Variants in KCNQ5 observed in about 807,000 individuals in gnomAD.
The protein encoded by KCNQ5 is potassium voltage-gated channel subfamily Q member 5.
Under a neutral mutation model 98.2 loss-of-function variants are expected in KCNQ5, and 30 were observed. The ratio of observed to expected loss-of-function variants is 0.31; its 90% CI spans 0.23 to 0.41. The LOEUF (loss-of-function observed/expected upper bound fraction) is 0.41, where lower values mean the gene tolerates loss of function less well. Ranked by LOEUF, KCNQ5 falls within the 10% of genes least tolerant of loss-of-function variation. KCNQ5 has a pLI of 1.00. For synonymous variants in KCNQ5, 458 were observed against 449.4 expected, an observed-to-expected ratio of 1.02 and a Z score of -0.24; for missense variants, 835 against 1,182.5, an observed-to-expected ratio of 0.71 and a Z score of 4.31.
chr6:72,979,563 A>G (rs541399248), intron 1 of KCNQ5, among the ~76,000 whole-genome samples: 2 of 151,854 alleles, frequency 1.3e-5, no homozygotes, highest in South Asian at 4.2e-4. Flanking sequence ...TTCTTTGTGG[A>G]CTCTGGATAT....
At chr6:72,944,363 C>T (rs868438211) in intron 1 of KCNQ5, among the ~76,000 whole-genome samples, 2 of 152,088 alleles carry the variant, frequency 1.3e-5, no homozygotes, top group South Asian at 2.1e-4. Flanking sequence ...ACCAGAGTGT[C>T]AAACAAATCA....
intron 1 of KCNQ5, among the ~76,000 whole-genome samples, chr6:72,820,874 T>C (rs758755224): frequency 1.3e-5 from 2 of 152,226 alleles, no homozygotes; most frequent in Non-Finnish European, 1.5e-5. Flanking sequence ...ATTTTCCAAA[T>C]AGTGTTTTGT....
intron 1 of KCNQ5, chr6:72,986,846 C>T: frequency 9.7e-7 from 1 of 1,030,742 alleles, no homozygotes. Context: ...CCCCACAGCC[C>T]TCTCAGTCCA....
intron 1 of KCNQ5, among the ~76,000 whole-genome samples, chr6:72,773,157 T>C (rs1772989168): frequency 6.6e-6 from 1 of 152,162 alleles, no homozygotes; most frequent in South Asian, 2.1e-4. Context: ...TTATAAATCA[T>C]TCTACTACAA....
chr6:72,827,829 A>C (rs1458456596), intron 1 of KCNQ5, among the ~76,000 whole-genome samples: 2 of 151,794 alleles, frequency 1.3e-5, no homozygotes, highest in South Asian at 2.1e-4. Flanking sequence ...ACTGTTTCTC[A>C]TATGTTTTCT....
intron 1 of KCNQ5, among the ~76,000 whole-genome samples, chr6:72,960,852 A>C (rs867165576): frequency 2.0e-5 from 3 of 152,348 alleles, no homozygotes; most frequent in African/African-American, 7.2e-5. Context: ...AGTAGCTGGA[A>C]CTACAGGTGC....
intron 5 of KCNQ5, among the ~76,000 whole-genome samples, chr6:73,103,764 AC>A (rs1242922965): frequency 6.2e-5 from 9 of 145,482 alleles, no homozygotes; most frequent in Admixed American, 6.9e-5. Context: ...CCAAAAAAAA[AC>A]CAGAAAGAGT....
At chr6:72,801,770 G>T (rs1446833978) in intron 1 of KCNQ5, among the ~76,000 whole-genome samples, 5 of 152,246 alleles carry the variant, frequency 3.3e-5, no homozygotes, top group African/African-American at 4.8e-5. Flanking sequence ...GGTACCGGTT[G>T]TTCCTTTCTA....
chr6:72,984,931 G>T (rs1768688722), intron 1 of KCNQ5, among the ~76,000 whole-genome samples: 1 of 152,158 alleles, frequency 6.6e-6, no homozygotes, highest in Admixed American at 6.5e-5. Context: ...AAGAAGTCAG[G>T]CACAGTGGCT....
chr6:73,164,479 A>G (rs1422138928), intron 10 of KCNQ5, among the ~76,000 whole-genome samples: 2 of 152,222 alleles, frequency 1.3e-5, no homozygotes, highest in African/African-American at 2.4e-5. Context: ...AATGTAATTG[A>G]TGACCGACTC....
chr6:72,795,524 G>A lies in KCNQ5; in HGVS notation c.398+172937G>A, dbSNP rs551177990. The stretch of plus-strand genomic sequence containing the variant: ...TTCAAAACTGAAAAAGATCTTGTAA[G>A]TTATGTAGTTGAACATTATCAATTT... On this transcript the variant is annotated intron_variant, in intron 1 of 13. Coordinates refer to ENST00000370398, the MANE Select transcript of KCNQ5 (RefSeq NM_019842.4). Among the ~76,000 whole-genome samples, 11 of 152,326 alleles carry A rather than the reference G, an allele frequency of 7.2e-5. No individual in the cohort carries two copies. In the East Asian group the frequency reaches 1.7e-3, roughly 24 times the overall value.
chr6:72,642,829 T>C (rs1012147246), intron 1 of KCNQ5, among the ~76,000 whole-genome samples: 2 of 152,106 alleles, frequency 1.3e-5, no homozygotes, highest in African/African-American at 4.8e-5. Context: ...TGTAACACTA[T>C]TGACAATAGC....
At chr6:72,866,228 A>G (rs1287363256) in intron 1 of KCNQ5, among the ~76,000 whole-genome samples, 1 of 141,244 alleles carries the variant, frequency 7.1e-6, no homozygotes, top group Non-Finnish European at 1.5e-5. Flanking sequence ...CATCATGCTT[A>G]TTCTAGTTTC....
At chr6:73,190,172 T>C (rs1298631331) in intron 11 of KCNQ5, among the ~76,000 whole-genome samples, 3 of 152,214 alleles carry the variant, frequency 2.0e-5, no homozygotes, top group Non-Finnish European at 4.4e-5. Context: ...AAAATGCATG[T>C]AGTTCCATAA....
At chr6:73,139,965 G>T (rs1423308217) in intron 10 of KCNQ5, among the ~76,000 whole-genome samples, 1 of 148,982 alleles carries the variant, frequency 6.7e-6, no homozygotes, top group Non-Finnish European at 1.5e-5. Flanking sequence ...GAACCCTCAA[G>T]TCTTCTTAAA....
chr6:73,035,355 C>T (rs1771365177), intron 2 of KCNQ5, among the ~76,000 whole-genome samples: 1 of 152,174 alleles, frequency 6.6e-6, no homozygotes, highest in African/African-American at 2.4e-5. Flanking sequence ...AAGGACAGGA[C>T]CATTGTTAAT....
At chr6:73,097,718 G>A (rs1774575601) in intron 5 of KCNQ5, among the ~76,000 whole-genome samples, 1 of 152,094 alleles carries the variant, frequency 6.6e-6, no homozygotes, top group African/African-American at 2.4e-5. Context: ...AAGAGTTTTT[G>A]CCCAGTAATC....
intron 2 of KCNQ5, among the ~76,000 whole-genome samples, chr6:73,019,079 A>G (rs1476768804): frequency 6.6e-6 from 1 of 152,072 alleles, no homozygotes. Flanking sequence ...GTGATATATG[A>G]CAGGGTGACC....
chr6:72,675,728 A>G (rs538749403), intron 1 of KCNQ5, among the ~76,000 whole-genome samples: 22 of 152,312 alleles, frequency 1.4e-4, no homozygotes, highest in African/African-American at 5.1e-4. Context: ...TGTGGAATTC[A>G]TGGCCCTTAT....
Sources: gnomAD v4.1 joint callset for allele counts (sites outside exome capture counted in the v4.1 genomes callset) on GRCh38, gnomAD v4.1.1 for gene constraint, MANE v1.5 for transcripts, NCBI Gene and HGNC (gene_info 2026-07-23, HGNC 2026-07-21) for gene names.